The following DPYSL5 variants were observed in gnomAD, a reference collection of about 807,000 sequenced individuals.
DPYSL5 encodes the protein dihydropyrimidinase like 5, also known as dihydropyrimidinase-related protein 5.
Under a neutral mutation model 58.4 loss-of-function variants are expected in DPYSL5, and 9 were observed. The observed-to-expected ratio is 0.15, with a 90% CI of 0.09 to 0.27. The LOEUF is 0.27. Ranked by LOEUF, DPYSL5 falls within the 10% of genes least tolerant of loss-of-function variation. The pLI, the probability that DPYSL5 is intolerant of heterozygous loss-of-function variation, is 1.00. For missense variants in DPYSL5, 499 were observed against 770.6 expected (o/e 0.65, Z 4.17); for synonymous variants, 293 against 301.9 (o/e 0.97, Z 0.31).
chr2:26,924,636 A>G lies in DPYSL5; in HGVS notation c.262-251A>G, dbSNP rs1664782911. Among the ~76,000 whole-genome samples the G allele has an allele frequency of 6.6e-6, 1 of 152,168 alleles. No individual in the cohort carries two copies. Among genetic ancestry groups the G allele is most frequent in the South Asian group, 2.1e-4 (1 of 4,828 alleles). ...GGGTGACCCACGATGTGGTTTTTCC[A>G]GCGCGCCAAGCTGAAACCCTGGCGG... On this transcript the variant is annotated intron_variant, in intron 2 of 12. Coordinates refer to ENST00000288699, the MANE Select transcript of DPYSL5 (RefSeq NM_020134.4). This position sits in a 1 kb window ranked among gnomAD's most constrained non-coding sequence, Gnocchi z 4.7.
chr2:26,899,251 T>C (rs1285286391), intron 2 of DPYSL5, among the ~76,000 whole-genome samples: 2 of 152,160 alleles, frequency 1.3e-5, no homozygotes, highest in Non-Finnish European at 2.9e-5. Flanking sequence ...AAATTGCTGG[T>C]GGTGGGCTCT....
intron 9 of DPYSL5, 149 bp from the exon 10 acceptor site, chr2:26,941,801 A>T: frequency 1.9e-6 from 2 of 1,045,868 alleles, no homozygotes; most frequent in Admixed American, 2.4e-5. Flanking sequence ...AGGCTGGCTC[A>T]TCTGAGATGG....
chr2:26,901,053 G>T (rs1664144024), intron 2 of DPYSL5, among the ~76,000 whole-genome samples: 1 of 151,990 alleles, frequency 6.6e-6, no homozygotes, highest in African/African-American at 2.4e-5. Flanking sequence ...GATCTTTTCT[G>T]CTTCTCATCC....
At position 26,942,546 on chromosome 2, in the gene DPYSL5, C is replaced by A; in HGVS notation, c.1236C>A (p.Thr412=). Residue 412 remains threonine (T), a synonymous_variant, in exon 11 of 13, where the codon ACC becomes ACA. Transcript: ENST00000288699. This position sits in a 1 kb window ranked among gnomAD's most constrained non-coding sequence, Gnocchi z 5.9. ...CCCGCCATTGCCTCCCCACCAGGAC[C>A]ATCTCAGCCAGCACGCAGGTCCAGG... ...VVVWDPEATK[T]ISASTQVQGG... The A allele has an allele frequency of 2.5e-6, 4 of 1,613,820 alleles. No homozygotes were observed. Among genetic ancestry groups the A allele is most frequent in the Non-Finnish European group, 2.5e-6 (3 of 1,179,878 alleles).
rs958674139 is a variant in DPYSL5, at chr2:26,909,716, A to C, written c.261+10956A>C. ...CTTGAGCTCAGAAGTTTGAGGCTGCAGTGAGCTATGATCATGCCACTGCAC... is the reference window on the plus strand; with the variant it reads ...CTTGAGCTCAGAAGTTTGAGGCTGCCGTGAGCTATGATCATGCCACTGCAC... On this transcript the variant is annotated intron_variant, in intron 2 of 12. Coordinates refer to ENST00000288699, the MANE Select transcript of DPYSL5 (RefSeq NM_020134.4). Among the ~76,000 whole-genome samples the C allele has an allele frequency of 3.3e-5, 5 of 152,174 alleles. No individual in the cohort carries two copies. In the East Asian group the frequency reaches 9.6e-4, roughly 29 times the overall value.
chr2:26,877,185 G>A lies in DPYSL5; in HGVS notation c.-4-21311G>A, dbSNP rs546009379. Among the ~76,000 whole-genome samples the A allele has an allele frequency of 1.3e-4, 19 of 148,472 alleles. No individual in the cohort carries two copies. The highest frequency in any genetic ancestry group is 4.2e-4 in the African/African-American group (17 of 40,404). ...TTTCACCATGTTGGCCAGGCTGGCT[G>A]GAACTCCTGACCTCAGGTGATCTGC... is the stretch of plus-strand genomic sequence containing the variant. On this transcript the variant is annotated intron_variant, in intron 1 of 12. Coordinates refer to ENST00000288699, the MANE Select transcript of DPYSL5 (RefSeq NM_020134.4). This position sits in a 1 kb window ranked among gnomAD's most constrained non-coding sequence, Gnocchi z 4.1.
chr2:26,897,823 G>T (rs1460597658), intron 1 of DPYSL5, among the ~76,000 whole-genome samples: 1 of 152,208 alleles, frequency 6.6e-6, no homozygotes, highest in Non-Finnish European at 1.5e-5. Context: ...ATCTCTGGGG[G>T]TGGGGCTTGG....
chr2:26,931,193 G>GTA, intron 5 of DPYSL5, among the ~76,000 whole-genome samples: 1 of 55,756 alleles, frequency 1.8e-5, no homozygotes, highest in East Asian at 5.2e-4. Flanking sequence ...GTGTGTGTGT[G>GTA]TGTGTGTGTG....
intron 2 of DPYSL5, among the ~76,000 whole-genome samples, chr2:26,899,192 G>C (rs1664092125): frequency 6.6e-6 from 1 of 152,102 alleles, no homozygotes; most frequent in African/African-American, 2.4e-5. Flanking sequence ...GGATGAGACA[G>C]CTTCTATTAC....
At chr2:26,940,673 C>T (rs1381939963) in intron 9 of DPYSL5, among the ~76,000 whole-genome samples, 1 of 151,750 alleles carries the variant, frequency 6.6e-6, no homozygotes, top group Non-Finnish European at 1.5e-5. Context: ...CTTTTACCAA[C>T]TGCTATACTA....
chr2:26,898,560 G>A lies in DPYSL5; in HGVS notation c.61G>A (p.Asp21Asn). The change falls in exon 2 of 13, where the codon GAC (aspartate) becomes AAC (asparagine). Residue 21 changes from aspartate to asparagine, a missense_variant. Around this residue, in one of 3 missense-constraint regions of DPYSL5, gnomAD observed 404 missense variants for 647.6 expected, o/e 0.62. Transcript: ENST00000288699. The surrounding 1 kb of genome is among the most constrained non-coding windows in gnomAD (Gnocchi z 6.1). The part of the protein sequence containing the change: ...LIKGGKVVND[D>N]CTHEADVYIE... ...CAAGGGAGGCAAGGTGGTGAACGAT[G>A]ACTGCACCCACGAGGCTGACGTCTA... 3 of 1,614,192 alleles carry A rather than the reference G, an allele frequency of 1.9e-6. No individual in the cohort carries two copies. The highest frequency in any genetic ancestry group is 2.5e-6 in the Non-Finnish European group (3 of 1,180,042).
chr2:26,874,718 A>G (rs920792504), intron 1 of DPYSL5, among the ~76,000 whole-genome samples: 3 of 152,230 alleles, frequency 2.0e-5, no homozygotes, highest in African/African-American at 7.2e-5. Context: ...CTTTGCAGGG[A>G]GACCTGCGTT....
Position 26,934,187 on chromosome 2 carries a change from C to A in DPYSL5, c.791-391C>A, listed in dbSNP as rs1245783730. 1.3e-5 allele frequency among the ~76,000 whole-genome samples: 2 copies of A among 152,182 alleles called. No individual in the cohort carries two copies. Among genetic ancestry groups the A allele is most frequent in the Non-Finnish European group, 2.9e-5 (2 of 68,042 alleles). On this transcript the variant is annotated intron_variant, in intron 7 of 12. Transcript: ENST00000288699. The surrounding 1 kb of genome is among the most constrained non-coding windows in gnomAD (Gnocchi z 4.3). ...ACCGTTCTCTTGAAGCTGCTCACAG[C>A]AACTGCCTGTCCAGAAAACAGTCTA...
At chr2:26,886,247 C>G (rs1203806278) in intron 1 of DPYSL5, among the ~76,000 whole-genome samples, 2 of 152,126 alleles carry the variant, frequency 1.3e-5, no homozygotes, top group African/African-American at 4.8e-5. Context: ...TGCTTGTCAC[C>G]TAATTGCTAT....
rs1419648339 is a variant in DPYSL5 at position 26,924,424 on chromosome 2, G to A, written c.262-463G>A. On this transcript the variant is annotated intron_variant, in intron 2 of 12. Coordinates refer to ENST00000288699, the MANE Select transcript of DPYSL5 (RefSeq NM_020134.4). This position sits in a 1 kb window ranked among gnomAD's most constrained non-coding sequence, Gnocchi z 4.7. ...TTTCTATATCGTGGTTCAAATATAC[G>A]TGTGTAACTAAGTAAATGATATAAA... Among the ~76,000 whole-genome samples the A allele has an allele frequency of 2.6e-5, 4 of 152,112 alleles. No individual in the cohort carries two copies. The highest frequency in any genetic ancestry group is 4.8e-5 in the African/African-American group (2 of 41,410).
chr2:26,879,039 A>G (rs1339765870), intron 1 of DPYSL5, among the ~76,000 whole-genome samples: 1 of 152,196 alleles, frequency 6.6e-6, no homozygotes, highest in African/African-American at 2.4e-5. Context: ...TCCTTCCACT[A>G]CCAACTTGTG....
chr2:26,876,006 T>C (rs931253586), intron 1 of DPYSL5, among the ~76,000 whole-genome samples: 1 of 152,186 alleles, frequency 6.6e-6, no homozygotes, highest in African/African-American at 2.4e-5. Context: ...CAGTCAAGCA[T>C]CAATCTCAGA....
intron 8 of DPYSL5, among the ~76,000 whole-genome samples, chr2:26,935,817 G>A (rs1665159848): frequency 6.6e-6 from 1 of 152,122 alleles, no homozygotes; most frequent in Admixed American, 6.5e-5. Flanking sequence ...TTGGGTTGGG[G>A]TAGGAGGACT....
At chr2:26,918,135 CAAAAAAAAAAAAAAAA>C (rs71401540) in intron 2 of DPYSL5, among the ~76,000 whole-genome samples, 2 of 54,050 alleles carry the variant, frequency 3.7e-5, no homozygotes, top group African/African-American at 1.6e-4. Context: ...GAGTCTGTCT[CAAAAAAAAAAAAAAAA>C]AAAAAAAAAA....
Sources: allele counts gnomAD v4.1 joint callset (sites outside exome capture counted in the v4.1 genomes callset), GRCh38; gene constraint gnomAD v4.1.1; regional missense constraint gnomAD v4.1.1; non-coding constraint Gnocchi (gnomAD v3.1); transcripts MANE v1.5; gene names NCBI Gene and HGNC (gene_info 2026-07-23, HGNC 2026-07-21).